ADAMTS6: variants seen among roughly 807,000 people sequenced by gnomAD.
ADAMTS6 encodes the protein ADAM metallopeptidase with thrombospondin type 1 motif 6.
Under a neutral mutation model 144.3 loss-of-function variants are expected in ADAMTS6, and 23 were observed. The ratio of observed to expected loss-of-function variants is 0.16; its 90% CI spans 0.11 to 0.23. ADAMTS6 has a LOEUF of 0.23. Ranked by LOEUF, ADAMTS6 falls within the 10% of genes least tolerant of loss-of-function variation. The pLI, the probability that ADAMTS6 is intolerant of heterozygous loss-of-function variation, is 1.00. For missense variants in ADAMTS6, 999 were observed against 1,379.6 expected (o/e 0.72, Z 4.37); for synonymous variants, 444 against 457.5 (o/e 0.97, Z 0.38).
At chr5:65,456,164 C>T (rs1280858651) in intron 4 of ADAMTS6, among the ~76,000 whole-genome samples, 1 of 151,952 alleles carries the variant, frequency 6.6e-6, no homozygotes, top group Non-Finnish European at 1.5e-5. Flanking sequence ...TGCCAATTGA[C>T]TTCTTAATGT....
chr5:65,367,722 C>T (rs11743929), intron 7 of ADAMTS6, among the ~76,000 whole-genome samples: 18,230 of 152,032 alleles, frequency 0.12, 1,216 homozygotes, highest in African/African-American at 0.18. Context: ...TCCAATCTTG[C>T]TTCCATCCCT....
intron 3 of ADAMTS6, among the ~76,000 whole-genome samples, chr5:65,464,725 C>T (rs1267962571): frequency 6.6e-6 from 1 of 152,150 alleles, no homozygotes; most frequent in East Asian, 1.9e-4. Flanking sequence ...TTACACCATG[C>T]CCACAGTCAA....
chr5:65,265,071 A>G (rs1273489795), intron 12 of ADAMTS6, among the ~76,000 whole-genome samples: 1 of 152,076 alleles, frequency 6.6e-6, no homozygotes, highest in African/African-American at 2.4e-5. Flanking sequence ...GACTTTTTAG[A>G]GCAGTGCTGA....
At chr5:65,226,483 A>G (rs943803802) in intron 15 of ADAMTS6, among the ~76,000 whole-genome samples, 5 of 151,566 alleles carry the variant, frequency 3.3e-5, no homozygotes, top group African/African-American at 9.7e-5. Context: ...TTATATATTT[A>G]TAATGTATTT....
chr5:65,240,774 C>G (rs1002644610), intron 15 of ADAMTS6, among the ~76,000 whole-genome samples: 10 of 152,052 alleles, frequency 6.6e-5, no homozygotes, highest in African/African-American at 2.4e-4. Context: ...GATCTCCAGT[C>G]TATGGTAACT....
At chr5:65,460,725 G>A (rs1759585166) in intron 3 of ADAMTS6, among the ~76,000 whole-genome samples, 1 of 152,078 alleles carries the variant, frequency 6.6e-6, no homozygotes, top group Non-Finnish European at 1.5e-5. Flanking sequence ...TAAAAATATG[G>A]GCAGAGGGTT....
chr5:65,398,083 G>A (rs1218608176), intron 7 of ADAMTS6, among the ~76,000 whole-genome samples: 1 of 152,070 alleles, frequency 6.6e-6, no homozygotes, highest in Non-Finnish European at 1.5e-5. Context: ...GTGAGCTTGA[G>A]AAGAATATAT....
intron 7 of ADAMTS6, among the ~76,000 whole-genome samples, chr5:65,408,309 C>G (rs1754747539): frequency 6.6e-6 from 1 of 151,918 alleles, no homozygotes; most frequent in African/African-American, 2.4e-5. Flanking sequence ...GGAAGATCTA[C>G]CAAGCAAATG....
At chr5:65,424,391 T>C (rs923263116) in intron 7 of ADAMTS6, among the ~76,000 whole-genome samples, 15 of 152,340 alleles carry the variant, frequency 9.8e-5, no homozygotes, top group Admixed American at 3.9e-4. Context: ...ATCAACCAAA[T>C]GTACTGTTTG....
chr5:65,214,432 G>A lies in ADAMTS6; in HGVS notation c.2575+362C>T. Reference sequence around the variant, plus strand: ...ACATTCTCATCTCCCATTACAAGAAGTTGCATCTGTGATGTCTGATTCTTG... The same window carrying A: ...ACATTCTCATCTCCCATTACAAGAAATTGCATCTGTGATGTCTGATTCTTG... On this transcript the variant is annotated intron_variant, in intron 20 of 24. Coordinates refer to ENST00000381055, the MANE Select transcript of ADAMTS6 (RefSeq NM_197941.4). The surrounding 1 kb of genome is among the most constrained non-coding windows in gnomAD (Gnocchi z 4.6). 2.8e-6 allele frequency: 1 copy of A among 355,854 alleles called. No homozygotes were observed. 22.0% of individuals were successfully genotyped at this position (355,854 alleles called of 1,614,324 possible). A position where few individuals can be genotyped will look rare whatever the true frequency, so the allele number is the denominator to read the frequency against.
chr5:65,398,792 G>GAAAGA (rs1561501323), intron 7 of ADAMTS6, among the ~76,000 whole-genome samples: 8 of 48,866 alleles, frequency 1.6e-4, no homozygotes, highest in Admixed American at 2.1e-4. Context: ...AAGAAAGAAA[G>GAAAGA]AAAGAAAGAA....
At chr5:65,398,812 GAA>G (rs1208339011) in intron 7 of ADAMTS6, among the ~76,000 whole-genome samples, 3 of 114,152 alleles carry the variant, frequency 2.6e-5, no homozygotes, top group Admixed American at 1.6e-4. Context: ...AAGAAAGAAA[GAA>G]AGAAAGAAAG....
intron 24 of ADAMTS6, among the ~76,000 whole-genome samples, chr5:65,167,177 A>G (rs1449752305): frequency 1.3e-5 from 2 of 148,200 alleles, no homozygotes; most frequent in South Asian, 2.2e-4. Context: ...TCAAATAGAC[A>G]CAATAAAAAA....
intron 7 of ADAMTS6, among the ~76,000 whole-genome samples, chr5:65,346,714 C>A (rs552573155): frequency 6.6e-6 from 1 of 151,602 alleles, no homozygotes; most frequent in Non-Finnish European, 1.5e-5. Context: ...GACATAAAAT[C>A]GTCTCTGCTT....
At chr5:65,161,372 A>T (rs1752768677) in intron 24 of ADAMTS6, among the ~76,000 whole-genome samples, 1 of 152,208 alleles carries the variant, frequency 6.6e-6, no homozygotes. Context: ...TTATCCGTCC[A>T]TTCCATATCT....
chr5:65,376,695 G>A (rs1032888511), intron 7 of ADAMTS6, among the ~76,000 whole-genome samples: 2 of 151,994 alleles, frequency 1.3e-5, no homozygotes, highest in African/African-American at 4.8e-5. Context: ...GCCAGGCATG[G>A]TGACATGTAC....
At chr5:65,170,349 T>A (rs1753539998) in intron 24 of ADAMTS6, among the ~76,000 whole-genome samples, 2 of 152,220 alleles carry the variant, frequency 1.3e-5, no homozygotes, top group African/African-American at 4.8e-5. Flanking sequence ...CAAGGCTGGA[T>A]ATGATCTTAG....
At chr5:65,219,551 G>C (rs1007727829) in intron 18 of ADAMTS6, among the ~76,000 whole-genome samples, 23 of 152,188 alleles carry the variant, frequency 1.5e-4, no homozygotes, top group Non-Finnish European at 7.3e-5. Context: ...AGCTAGATTA[G>C]TATCAGATAA....
intron 14 of ADAMTS6, among the ~76,000 whole-genome samples, chr5:65,250,307 C>A (rs968018675): frequency 1.6e-4 from 24 of 152,186 alleles, no homozygotes; most frequent in Admixed American, 1.5e-3. Flanking sequence ...CAAATAGCAA[C>A]ATGTGTCACA....
Sources: allele counts gnomAD v4.1 joint callset (sites outside exome capture counted in the v4.1 genomes callset), GRCh38; gene constraint gnomAD v4.1.1; non-coding constraint Gnocchi (gnomAD v3.1); transcripts MANE v1.5; gene names NCBI Gene and HGNC (gene_info 2026-07-23, HGNC 2026-07-21).